Variants in TNNI3K observed in about 807,000 individuals in gnomAD.
The protein encoded by TNNI3K is serine/threonine-protein kinase TNNI3K.
Under a neutral mutation model 114.5 loss-of-function variants are expected in TNNI3K, and 140 were observed. That is an observed-to-expected ratio of 1.22 (90% CI 1.07 to 1.41). The LOEUF (loss-of-function observed/expected upper bound fraction) is 1.41, where lower values mean the gene tolerates loss of function less well. Ranked by LOEUF, TNNI3K falls within the 40% of genes most tolerant of loss-of-function variation. TNNI3K has a pLI of 0.00. For missense variants in TNNI3K, 1,125 were observed against 1,007.6 expected, an observed-to-expected ratio of 1.12 and a Z score of -1.58; for synonymous variants, 347 against 347.5, an observed-to-expected ratio of 1.00 and a Z score of 0.02.
intron 20 of TNNI3K, among the ~76,000 whole-genome samples, chr1:74,442,038 A>T (rs1570624318): frequency 6.6e-6 from 1 of 152,106 alleles, no homozygotes; most frequent in Non-Finnish European, 1.5e-5. Flanking sequence ...ACTCAAAGCC[A>T]TAAAAACTTC....
intron 5 of TNNI3K, among the ~76,000 whole-genome samples, chr1:74,293,818 AT>A (rs1432226400): frequency 6.6e-6 from 1 of 151,614 alleles, no homozygotes; most frequent in African/African-American, 2.4e-5. Flanking sequence ...TTTTGTGATT[AT>A]TTTCTAAGTA....
rs1218931785 is a variant in TNNI3K at position 74,369,054 on chromosome 1, T to G, written c.1354T>G (p.Leu452Val). 6.2e-7 allele frequency: 1 copy of G among 1,609,606 alleles called. No individual in the cohort carries two copies. The highest frequency in any genetic ancestry group is 1.7e-5 in the Admixed American group (1 of 59,434). The stretch of plus-strand genomic sequence containing the variant: ...AGATATTCTCCTCCTAAGAGCTGGA[T>G]TGCCTTCACATTTCCATCTTCAGCT... The part of the protein sequence containing the change: ...KADILLLRAG[L>V]PSHFHLQLSE... Residue 452 changes from leucine (L) to valine (V), a missense_variant, in exon 14 of 25, where the codon TTG becomes GTG. By Grantham distance (32) the Leu-to-Val change is conservative (BLOSUM62 1). Coordinates refer to ENST00000326637, the MANE Select transcript of TNNI3K (RefSeq NM_015978.3).
chr1:74,381,872 C>G (rs1444301776), intron 17 of TNNI3K, among the ~76,000 whole-genome samples: 1 of 152,188 alleles, frequency 6.6e-6, no homozygotes, highest in Non-Finnish European at 1.5e-5. Flanking sequence ...AGACATTCAA[C>G]CATTATTTAT....
At chr1:74,399,847 A>G (rs1232444833) in intron 17 of TNNI3K, among the ~76,000 whole-genome samples, 3 of 152,216 alleles carry the variant, frequency 2.0e-5, no homozygotes, top group Non-Finnish European at 4.4e-5. Context: ...AATAGTCAAC[A>G]TAACTAGAAC....
At chr1:74,448,260 T>TAA (rs71588834) in intron 20 of TNNI3K, among the ~76,000 whole-genome samples, 938 of 88,804 alleles carry the variant, frequency 0.011, 7 homozygotes, top group African/African-American at 0.019. Flanking sequence ...TAGAGTATAA[T>TAA]AAAAAAAAAA....
chr1:74,304,082 A>G (rs888504633), intron 5 of TNNI3K, among the ~76,000 whole-genome samples: 40 of 152,340 alleles, frequency 2.6e-4, no homozygotes, highest in Non-Finnish European at 3.2e-4. Context: ...TGGTGAAGAT[A>G]CTGTGAACAA....
At chr1:74,476,804 T>C (rs1668229507) in intron 21 of TNNI3K, among the ~76,000 whole-genome samples, 1 of 152,174 alleles carries the variant, frequency 6.6e-6, no homozygotes, top group Non-Finnish European at 1.5e-5. Flanking sequence ...TCTAGTTTTA[T>C]CCACTGGAGA....
At chr1:74,331,893 A>G (rs955146181) in intron 6 of TNNI3K, among the ~76,000 whole-genome samples, 5 of 152,146 alleles carry the variant, frequency 3.3e-5, no homozygotes, top group African/African-American at 1.2e-4. Context: ...TAAAATGGGG[A>G]AAGATATTAA....
intron 23 of TNNI3K, among the ~76,000 whole-genome samples, chr1:74,501,206 A>T (rs1264951634): frequency 6.6e-6 from 1 of 152,158 alleles, no homozygotes; most frequent in African/African-American, 2.4e-5. Flanking sequence ...TAATTTTTTC[A>T]GATCTGTCTT....
intron 17 of TNNI3K, among the ~76,000 whole-genome samples, chr1:74,405,974 A>G (rs1247726049): frequency 1.3e-5 from 2 of 152,216 alleles, no homozygotes; most frequent in Non-Finnish European, 2.9e-5. Context: ...AAAGCAACAT[A>G]CATTTATCAT....
intron 17 of TNNI3K, among the ~76,000 whole-genome samples, chr1:74,377,446 A>G (rs1274723234): frequency 6.6e-6 from 1 of 152,080 alleles, no homozygotes; most frequent in Non-Finnish European, 1.5e-5. Flanking sequence ...ATGACACTAG[A>G]AAATTCCCTA....
At chr1:74,307,747 G>A (rs575808027) in intron 5 of TNNI3K, among the ~76,000 whole-genome samples, 2 of 152,228 alleles carry the variant, frequency 1.3e-5, no homozygotes, top group East Asian at 1.9e-4. Flanking sequence ...TTGGGAGGCC[G>A]AGGTCAGGAG....
At chr1:74,426,554 G>A (rs899847631) in intron 17 of TNNI3K, among the ~76,000 whole-genome samples, 1 of 151,968 alleles carries the variant, frequency 6.6e-6, no homozygotes, top group Non-Finnish European at 1.5e-5. Flanking sequence ...CACACAAAAT[G>A]TCAATGGCAT....
At chr1:74,355,931 CAT>C (rs1661632048) in intron 11 of TNNI3K, among the ~76,000 whole-genome samples, 1 of 152,104 alleles carries the variant, frequency 6.6e-6, no homozygotes, top group Non-Finnish European at 1.5e-5. Flanking sequence ...TACCTTTGCA[CAT>C]ATTATAACCA....
At chr1:74,465,948 G>T (rs1056111809) in intron 21 of TNNI3K, among the ~76,000 whole-genome samples, 1 of 152,172 alleles carries the variant, frequency 6.6e-6, no homozygotes, top group African/African-American at 2.4e-5. Flanking sequence ...AGCCACTCTG[G>T]TCATCTTCTG....
chr1:74,422,358 A>G (rs1665441563), intron 17 of TNNI3K, among the ~76,000 whole-genome samples: 1 of 152,136 alleles, frequency 6.6e-6, no homozygotes, highest in Non-Finnish European at 1.5e-5. Context: ...TCTTTACTGA[A>G]AAAACACTAT....
intron 5 of TNNI3K, among the ~76,000 whole-genome samples, chr1:74,286,592 A>T (rs1336494708): frequency 6.6e-6 from 1 of 151,946 alleles, no homozygotes; most frequent in African/African-American, 2.4e-5. Flanking sequence ...GCCCCTACAA[A>T]AAAAGACATC....
chr1:74,294,250 A>G (rs960740876), intron 5 of TNNI3K, among the ~76,000 whole-genome samples: 1 of 151,994 alleles, frequency 6.6e-6, no homozygotes, highest in Non-Finnish European at 1.5e-5. Context: ...CTGGCCTCAT[A>G]GAACAAATTA....
chr1:74,353,243 T>C (rs768001192), intron 9 of TNNI3K, 23 bp from the exon 10 acceptor site: 1 of 1,603,616 alleles, frequency 6.2e-7, no homozygotes, highest in Non-Finnish European at 8.5e-7. Context: ...CTATCTTTCT[T>C]GTTTTATGGT....
Sources: gnomAD v4.1 joint callset for allele counts (sites outside exome capture counted in the v4.1 genomes callset) on GRCh38, gnomAD v4.1.1 for gene constraint, MANE v1.5 for transcripts, NCBI Gene and HGNC (gene_info 2026-07-23, HGNC 2026-07-21) for gene names.